CABLES1: variants seen among roughly 807,000 people sequenced by gnomAD.
CABLES1 encodes CDK5 and ABL1 enzyme substrate 1.
Under a neutral mutation model 57.8 loss-of-function variants are expected in CABLES1, and 36 were observed. The observed-to-expected ratio is 0.62, with a 90% CI of 0.48 to 0.82. The LOEUF (loss-of-function observed/expected upper bound fraction) is 0.82. Ranked by LOEUF, CABLES1 falls within the 40% of genes least tolerant of loss-of-function variation. The pLI is 0.00. For synonymous variants in CABLES1, 374 were observed against 363.0 expected (o/e 1.03, Z -0.35); for missense variants, 767 against 836.6 (o/e 0.92, Z 1.03).
At chr18:23,213,061 T>C (rs1201988806) in intron 3 of CABLES1, among the ~76,000 whole-genome samples, 1 of 152,150 alleles carries the variant, frequency 6.6e-6, no homozygotes, top group Non-Finnish European at 1.5e-5. Context: ...TGGTTTGCCG[T>C]GCCAGGGAAC....
chr18:23,151,897 G>A (rs2046933247), intron 1 of CABLES1, among the ~76,000 whole-genome samples: 1 of 152,196 alleles, frequency 6.6e-6, no homozygotes, highest in South Asian at 2.1e-4. Context: ...AGGACATGGG[G>A]GCCACTTGCA....
intron 4 of CABLES1, among the ~76,000 whole-genome samples, chr18:23,219,420 G>A (rs190360489): frequency 3.9e-5 from 6 of 152,382 alleles, no homozygotes; most frequent in African/African-American, 1.4e-4. Flanking sequence ...GTTAGACTTG[G>A]AAGTGTGAGA....
At chr18:23,234,545 A>G in intron 4 of CABLES1, 63 bp from the exon 5 acceptor site, 1 of 1,177,034 alleles carries the variant, frequency 8.5e-7, no homozygotes, top group Non-Finnish European at 1.3e-6. Flanking sequence ...TGGAGTAAGC[A>G]TCCTCATGGC....
chr18:23,248,512 C>CTTTTTTTTTTTTTTTTT lies in CABLES1; in HGVS notation c.1447-4438_1447-4422dup, dbSNP rs59555750. Among the ~76,000 whole-genome samples the CTTTTTTTTTTTTTTTTT allele has an allele frequency of 3.0e-4, 27 of 90,728 alleles. 1 individual carries two copies. The highest frequency in any genetic ancestry group is 8.6e-4 in the South Asian group (2 of 2,326). 59.5% of individuals were successfully genotyped at this position (90,728 alleles called of 152,430 possible). Reference sequence around the variant, plus strand: ...CTGGCAATGTAGCAAGACCCTATGTCTTTTTTTTTTTTTTTTTTTTTTTTT... The same window carrying CTTTTTTTTTTTTTTTTT: ...CTGGCAATGTAGCAAGACCCTATGTCTTTTTTTTTTTTTTTTTTTTTTTTTTTTTTTTTTTTTTTTTT... On this transcript the variant is annotated intron_variant, in intron 7 of 9. Transcript: ENST00000256925.
chr18:23,217,200 G>A (rs763418677), intron 4 of CABLES1, among the ~76,000 whole-genome samples: 1 of 152,082 alleles, frequency 6.6e-6, no homozygotes, highest in Non-Finnish European at 1.5e-5. Flanking sequence ...ACCTGCCTCA[G>A]TCTCCCAAGT....
chr18:23,237,174 C>G lies in CABLES1; in HGVS notation c.1375C>G (p.Pro459Ala). The part of the protein sequence containing the change: ...SDLGDFMDYD[P>A]NLLDDPQWPC... ...CCTGGGAGACTTTATGGACTATGAC[C>G]CAAATCTCTTGGATGACCCCCAGTG... is the stretch of plus-strand genomic sequence containing the variant. The change falls in exon 7 of 10, where the codon CCA (proline) becomes GCA (alanine). Residue 459 changes from proline (P) to alanine (A), a missense_variant. Coordinates refer to ENST00000256925, the MANE Select transcript of CABLES1 (RefSeq NM_001100619.3). 6.2e-7 allele frequency: 1 copy of G among 1,613,524 alleles called. No homozygotes were observed. Among genetic ancestry groups the G allele is most frequent in the South Asian group, 1.1e-5 (1 of 91,058 alleles).
chr18:23,164,022 A>G (rs1190822068), intron 1 of CABLES1, among the ~76,000 whole-genome samples: 1 of 152,186 alleles, frequency 6.6e-6, no homozygotes, highest in African/African-American at 2.4e-5. Flanking sequence ...CTGAGAACTT[A>G]TGTGGGTTCC....
At chr18:23,206,811 G>A (rs1198711585) in intron 3 of CABLES1, among the ~76,000 whole-genome samples, 2 of 146,126 alleles carry the variant, frequency 1.4e-5, no homozygotes, top group Non-Finnish European at 3.0e-5. Context: ...TCTTTAGTTT[G>A]TGCACCTTTT....
intron 3 of CABLES1, among the ~76,000 whole-genome samples, chr18:23,198,945 C>T (rs1441189443): frequency 6.6e-6 from 1 of 152,152 alleles, no homozygotes; most frequent in South Asian, 2.1e-4. Context: ...TTCATGATCC[C>T]GAGAGTGGGA....
chr18:23,257,119 G>T, intron 9 of CABLES1, 108 bp from the exon 10 acceptor site: 3 of 1,276,918 alleles, frequency 2.3e-6, no homozygotes, highest in Non-Finnish European at 3.3e-6. Context: ...GCCCAAAGTG[G>T]ATTTCTCCTG....
intron 3 of CABLES1, among the ~76,000 whole-genome samples, chr18:23,198,995 T>TG (rs2047304637): frequency 6.6e-6 from 1 of 152,240 alleles, no homozygotes; most frequent in African/African-American, 2.4e-5. Flanking sequence ...CAAAGTTCAT[T>TG]GTCTCCATTG....
At chr18:23,155,914 G>A in intron 1 of CABLES1, 1 of 1,614,174 alleles carries the variant, frequency 6.2e-7, no homozygotes, top group South Asian at 1.1e-5. Context: ...TGCTTTCTAA[G>A]AGGGGCTGCC....
At chr18:23,229,852 C>T (rs904944804) in intron 4 of CABLES1, among the ~76,000 whole-genome samples, 1 of 152,040 alleles carries the variant, frequency 6.6e-6, no homozygotes, top group African/African-American at 2.4e-5. Context: ...AAAGACTGAG[C>T]AGTTGCCTGA....
chr18:23,256,755 G>C (rs940583414), intron 9 of CABLES1, among the ~76,000 whole-genome samples: 1 of 152,144 alleles, frequency 6.6e-6, no homozygotes, highest in African/African-American at 2.4e-5. Flanking sequence ...AAGGTGCTGG[G>C]ATGACAGGCG....
Position 23,250,921 on chromosome 18 carries a change from A to G in CABLES1, c.1447-2039A>G, listed in dbSNP as rs143572052. ...AAGAGAGGACCATCAAGATCACTTG[A>G]ACGGGGATGTGCTGGCTGCTTGCCT... On this transcript the variant is annotated intron_variant, in intron 7 of 9. Transcript: ENST00000256925. Among the ~76,000 whole-genome samples the G allele has an allele frequency of 1.6e-3, 238 of 152,360 alleles. 1 individual carries two copies. The highest frequency in any genetic ancestry group is 5.7e-3 in the African/African-American group (236 of 41,574).
intron 1 of CABLES1, among the ~76,000 whole-genome samples, chr18:23,162,617 C>T (rs1443682341): frequency 6.6e-6 from 1 of 152,116 alleles, no homozygotes; most frequent in African/African-American, 2.4e-5. Context: ...AAGAAAAGAA[C>T]GTGTATTTCA....
intron 1 of CABLES1, among the ~76,000 whole-genome samples, chr18:23,147,183 C>T (rs1309378140): frequency 2.0e-5 from 3 of 152,222 alleles, no homozygotes; most frequent in East Asian, 3.8e-4. Context: ...GGTATCAGTT[C>T]CTCCCGCAGG....
chr18:23,180,070 C>G (rs2047153864), intron 1 of CABLES1, among the ~76,000 whole-genome samples: 1 of 152,148 alleles, frequency 6.6e-6, no homozygotes, highest in African/African-American at 2.4e-5. Flanking sequence ...AGGCGCCCGC[C>G]ACCACGCCCG....
chr18:23,154,695 G>T (rs1230155400), intron 1 of CABLES1, among the ~76,000 whole-genome samples: 1 of 152,188 alleles, frequency 6.6e-6, no homozygotes, highest in Non-Finnish European at 1.5e-5. Flanking sequence ...GAACTTTAGA[G>T]AATTGAGTTT....
Sources: gnomAD v4.1 joint callset for allele counts (sites outside exome capture counted in the v4.1 genomes callset) on GRCh38, gnomAD v4.1.1 for gene constraint, MANE v1.5 for transcripts, NCBI Gene and HGNC (gene_info 2026-07-23, HGNC 2026-07-21) for gene names.